The following AK4 variants were observed in gnomAD, a reference collection of about 807,000 sequenced individuals.
AK4 encodes adenylate kinase 4, mitochondrial.
A neutral mutation model predicts 24.6 loss-of-function variants in AK4; 13 were observed. The observed-to-expected ratio is 0.53, with a 90% CI of 0.34 to 0.84. AK4 has a LOEUF of 0.84. Among genes scored for constraint, AK4 ranks in the 40% least tolerant of loss-of-function variants. AK4 has a pLI of 0.01. For missense variants in AK4, 192 were observed against 288.2 expected (o/e 0.67, Z 2.42); for synonymous variants, 88 against 107.0 (o/e 0.82, Z 1.10).
At chr1:65,161,605 C>T (rs1237311636) in intron 1 of AK4, among the ~76,000 whole-genome samples, 3 of 152,216 alleles carry the variant, frequency 2.0e-5, no homozygotes, top group Non-Finnish European at 4.4e-5. Flanking sequence ...AAAATTCTCT[C>T]ATACCCATTG....
intron 2 of AK4, among the ~76,000 whole-genome samples, chr1:65,192,736 G>A (rs1651345090): frequency 6.6e-6 from 1 of 152,220 alleles, no homozygotes; most frequent in Non-Finnish European, 1.5e-5. Flanking sequence ...GCTATGGTAG[G>A]AAGGTGTATG....
intron 2 of AK4, among the ~76,000 whole-genome samples, chr1:65,197,591 T>C (rs892189464): frequency 2.0e-5 from 3 of 152,176 alleles, no homozygotes; most frequent in Non-Finnish European, 4.4e-5. Flanking sequence ...AAGTCAGAGT[T>C]GTTTGAATGT....
chr1:65,215,452 G>A (rs185998273), intron 2 of AK4, among the ~76,000 whole-genome samples: 105 of 152,252 alleles, frequency 6.9e-4, no homozygotes, highest in Non-Finnish European at 1.4e-3. Context: ...GATTACAGGC[G>A]TGAGCCACCA....
chr1:65,213,596 GAGC>G (rs1446347615), intron 2 of AK4, among the ~76,000 whole-genome samples: 1 of 152,218 alleles, frequency 6.6e-6, no homozygotes, highest in Non-Finnish European at 1.5e-5. Flanking sequence ...GCTCTACCAA[GAGC>G]AGCAGCAACC....
At chr1:65,170,681 C>CTG (rs1201030521) in intron 1 of AK4, among the ~76,000 whole-genome samples, 2 of 152,176 alleles carry the variant, frequency 1.3e-5, no homozygotes, top group African/African-American at 4.8e-5. Context: ...CAGGAACTCA[C>CTG]TGTGGTGTTT....
At chr1:65,208,807 C>T (rs1651888212) in intron 2 of AK4, among the ~76,000 whole-genome samples, 1 of 152,162 alleles carries the variant, frequency 6.6e-6, no homozygotes, top group African/African-American at 2.4e-5. Context: ...CAGAAGTGTC[C>T]TACTTTCTAT....
At chr1:65,199,737 C>T (rs1012404725) in intron 2 of AK4, among the ~76,000 whole-genome samples, 2 of 152,088 alleles carry the variant, frequency 1.3e-5, no homozygotes, top group Non-Finnish European at 2.9e-5. Context: ...CCAGAATGCT[C>T]GGGACCAGAA....
intron 1 of AK4, among the ~76,000 whole-genome samples, chr1:65,166,322 G>A (rs1650328552): frequency 6.7e-6 from 1 of 148,590 alleles, no homozygotes; most frequent in East Asian, 1.9e-4. Context: ...GTGTGTGTGT[G>A]TGTGTGTGTG....
intron 1 of AK4, among the ~76,000 whole-genome samples, chr1:65,152,146 A>T (rs796307759): frequency 3.3e-5 from 5 of 151,916 alleles, no homozygotes; most frequent in African/African-American, 1.2e-4. Flanking sequence ...TATCTAAAGG[A>T]TATGCAAATC....
chr1:65,165,108 T>C (rs982278235), intron 1 of AK4, among the ~76,000 whole-genome samples: 14 of 152,210 alleles, frequency 9.2e-5, no homozygotes, highest in East Asian at 1.9e-4. Context: ...AAGCAAATTA[T>C]ATTGAGTGCT....
intron 1 of AK4, among the ~76,000 whole-genome samples, chr1:65,184,273 A>T (rs901442624): frequency 1.3e-5 from 2 of 152,202 alleles, no homozygotes; most frequent in African/African-American, 2.4e-5. Context: ...CCATCCATCT[A>T]TCTTTCTCTC....
chr1:65,230,210 CTT>C lies in AK4; in HGVS notation c.*4035_*4036del, dbSNP rs1193431023. The C allele has an allele frequency of 6.6e-6, 1 of 152,092 alleles. No individual in the cohort carries two copies. The highest frequency in any genetic ancestry group is 1.9e-4 in the East Asian group (1 of 5,180). The allele number at this position is 152,092 out of a possible 1,614,324, so 9.4% of individuals were successfully genotyped here. On this transcript the variant is annotated 3_prime_UTR_variant, in exon 5 of 5. Transcript: ENST00000327299. ...ATTGTTACCCTAGGTGTGCCCATCT[CTT>C]TGGTAGGGAAGGAGAAAGGTAAGAA...
chr1:65,201,671 C>A (rs2101057449), intron 2 of AK4, among the ~76,000 whole-genome samples: 1 of 152,192 alleles, frequency 6.6e-6, no homozygotes, highest in South Asian at 2.1e-4. Flanking sequence ...TTGGGAGCAC[C>A]AGTGAAGAGA....
chr1:65,174,274 AGTT>A (rs2101014942), intron 1 of AK4, among the ~76,000 whole-genome samples: 1 of 152,040 alleles, frequency 6.6e-6, no homozygotes, highest in African/African-American at 2.4e-5. Context: ...TTGACACTCT[AGTT>A]GTTTTTTTTT....
intron 3 of AK4, among the ~76,000 whole-genome samples, chr1:65,224,438 G>T (rs1557471339): frequency 6.6e-6 from 1 of 152,182 alleles, no homozygotes; most frequent in Non-Finnish European, 1.5e-5. Context: ...AGATGACAAG[G>T]TTTGTTGTTA....
intron 2 of AK4, among the ~76,000 whole-genome samples, chr1:65,201,187 A>G (rs1651653209): frequency 6.6e-6 from 1 of 152,152 alleles, no homozygotes; most frequent in African/African-American, 2.4e-5. Flanking sequence ...TCTCTTAGTG[A>G]CTTTTCCTAC....
chr1:65,182,380 C>G (rs1260857278), intron 1 of AK4, among the ~76,000 whole-genome samples: 1 of 152,082 alleles, frequency 6.6e-6, no homozygotes, highest in Non-Finnish European at 1.5e-5. Flanking sequence ...TGGGGTGAAA[C>G]AGGAGTAGCT....
chr1:65,155,146 G>A (rs922405150), intron 1 of AK4, among the ~76,000 whole-genome samples: 8 of 151,554 alleles, frequency 5.3e-5, no homozygotes, highest in African/African-American at 1.5e-4. Context: ...CACCACACCC[G>A]GCCGACATAG....
intron 2 of AK4, among the ~76,000 whole-genome samples, chr1:65,199,086 C>CA (rs34278926): frequency 0.041 from 4,298 of 103,994 alleles, 122 homozygotes; most frequent in African/African-American, 0.085. Context: ...GACTCCGCCT[C>CA]AAAAAAAAAA....
Sources: gnomAD v4.1 joint callset for allele counts (sites outside exome capture counted in the v4.1 genomes callset) on GRCh38, gnomAD v4.1.1 for gene constraint, MANE v1.5 for transcripts, NCBI Gene and HGNC (gene_info 2026-07-23, HGNC 2026-07-21) for gene names.